SHISA9: variants seen among roughly 807,000 people sequenced by gnomAD.
SHISA9 encodes the protein shisa family member 9, also known as protein shisa-9.
In SHISA9, 13 loss-of-function variants were observed where a neutral mutation model predicts 38.0. That is an observed-to-expected ratio of 0.34 (90% CI 0.22 to 0.54). The LOEUF (loss-of-function observed/expected upper bound fraction) is 0.54. Ranked by LOEUF, SHISA9 falls within the 20% of genes least tolerant of loss-of-function variation. The probability of loss-of-function intolerance (pLI) is 0.91; values close to 1 mark genes in which losing one functional copy is unlikely to be tolerated. For synonymous variants in SHISA9, 275 were observed against 242.0 expected (o/e 1.14, Z -1.27); for missense variants, 538 against 575.8 (o/e 0.93, Z 0.67).
chr16:13,248,389 A>G, the SHISA9 span, among the ~76,000 whole-genome samples: 2 of 152,190 alleles, frequency 1.3e-5, no homozygotes, highest in African/African-American at 2.4e-5. Flanking sequence ...ATAAAAATTA[A>G]GAAGGTAGAA....
At chr16:13,316,979 G>A in the SHISA9 span, among the ~76,000 whole-genome samples, 6 of 152,168 alleles carry the variant, frequency 3.9e-5, no homozygotes, top group Admixed American at 1.3e-4. Flanking sequence ...TGGTATCTTC[G>A]TGTTCCTTCT....
At chr16:12,935,526 T>C (rs554239107) in intron 2 of SHISA9, among the ~76,000 whole-genome samples, 9 of 152,152 alleles carry the variant, frequency 5.9e-5, no homozygotes, top group South Asian at 2.1e-4. Context: ...CATGGGAAGC[T>C]CATTCATGGG....
At chr16:13,002,236 T>C (rs552937523) in intron 2 of SHISA9, among the ~76,000 whole-genome samples, 2 of 152,314 alleles carry the variant, frequency 1.3e-5, no homozygotes, top group South Asian at 4.2e-4. Context: ...TTTAATGTCA[T>C]ATGGTTACTA....
chr16:12,923,892 A>AG (rs1389368271), intron 2 of SHISA9, among the ~76,000 whole-genome samples: 1 of 152,100 alleles, frequency 6.6e-6, no homozygotes, highest in African/African-American at 2.4e-5. Flanking sequence ...TAATAAATAG[A>AG]GGATCCAGGA....
intron 1 of SHISA9, chr16:12,908,679 C>G: frequency 6.6e-7 from 1 of 1,525,810 alleles, no homozygotes; most frequent in East Asian, 2.5e-5. Flanking sequence ...CGATGCCCTG[C>G]AAACAACAGC....
At chr16:13,091,418 C>A (rs1011801886) in intron 2 of SHISA9, among the ~76,000 whole-genome samples, 3 of 152,292 alleles carry the variant, frequency 2.0e-5, no homozygotes, top group Admixed American at 1.3e-4. Context: ...GCATTCTCCC[C>A]ATCACTTTCA....
At chr16:13,058,338 A>T (rs1020413691) in intron 2 of SHISA9, among the ~76,000 whole-genome samples, 1 of 152,128 alleles carries the variant, frequency 6.6e-6, no homozygotes, top group Non-Finnish European at 1.5e-5. Context: ...TGAAATTGGG[A>T]CCCAGGGTAC....
intron 4 of SHISA9, among the ~76,000 whole-genome samples, chr16:13,216,035 A>G (rs2051164597): frequency 6.6e-6 from 1 of 152,044 alleles, no homozygotes; most frequent in South Asian, 2.1e-4. Context: ...AAAAATACCA[A>G]AATTAGCCAG....
the SHISA9 span, among the ~76,000 whole-genome samples, chr16:13,340,657 C>G: frequency 6.6e-6 from 1 of 152,194 alleles, no homozygotes; most frequent in Non-Finnish European, 1.5e-5. Context: ...CACTTTTTCC[C>G]TGCTTCAAAC....
At chr16:13,499,426 G>C in the SHISA9 span, among the ~76,000 whole-genome samples, 1 of 152,124 alleles carries the variant, frequency 6.6e-6, no homozygotes, top group African/African-American at 2.4e-5. Context: ...GATTAAATGA[G>C]AGAAAGCATG....
chr16:13,320,292 CAAAAAAAAA>C, the SHISA9 span, among the ~76,000 whole-genome samples: 5,360 of 38,980 alleles, frequency 0.14, 423 homozygotes, highest in African/African-American at 0.3. Context: ...GACTCTGTCT[CAAAAAAAAA>C]AAAAAAAAAA....
chr16:13,243,330 C>T (rs987081076), downstream of SHISA9, among the ~76,000 whole-genome samples: 10 of 152,006 alleles, frequency 6.6e-5, no homozygotes, highest in East Asian at 1.9e-4. Flanking sequence ...GACATGTGCC[C>T]AGGGTGGTTG....
rs930085522 is a variant in SHISA9, at chr16:13,237,826, C to T, written c.*2417C>T. The T allele has an allele frequency of 2.0e-5, 3 of 152,118 alleles. No individual in the cohort carries two copies. Among genetic ancestry groups the T allele is most frequent in the Admixed American group, 1.3e-4 (2 of 15,272 alleles). 9.4% of individuals were successfully genotyped at this position (152,118 alleles called of 1,614,324 possible). A position where few individuals can be genotyped will look rare whatever the true frequency, so the allele number is the denominator to read the frequency against. ...GCTTCCCAGAGTCAAGTAAATACCA[C>T]TGGGCATGGTCAGAGTTTCCTTGAC... On this transcript the variant is annotated 3_prime_UTR_variant, in exon 5 of 5. Coordinates refer to ENST00000558583, the MANE Select transcript of SHISA9 (RefSeq NM_001145204.3).
chr16:13,077,724 A>C (rs935435389), intron 2 of SHISA9, among the ~76,000 whole-genome samples: 3 of 152,178 alleles, frequency 2.0e-5, no homozygotes, highest in African/African-American at 7.2e-5. Context: ...TCAGACCCTC[A>C]TTCAGTTCCT....
At chr16:13,148,549 A>G (rs1055695015) in intron 2 of SHISA9, among the ~76,000 whole-genome samples, 1 of 152,160 alleles carries the variant, frequency 6.6e-6, no homozygotes, top group African/African-American at 2.4e-5. Flanking sequence ...ACCACAGTCC[A>G]CATTCACTCT....
At chr16:12,935,856 A>G (rs951277025) in intron 2 of SHISA9, among the ~76,000 whole-genome samples, 1 of 150,122 alleles carries the variant, frequency 6.7e-6, no homozygotes, top group African/African-American at 2.4e-5. Context: ...CTCAAAAAGA[A>G]AAAAAAAAAA....
chr16:13,220,004 T>C (rs551097281), intron 4 of SHISA9, among the ~76,000 whole-genome samples: 4 of 152,100 alleles, frequency 2.6e-5, no homozygotes, highest in Non-Finnish European at 4.4e-5. Flanking sequence ...CACCTGAAAA[T>C]TGGGGGCTCT....
the SHISA9 span, among the ~76,000 whole-genome samples, chr16:13,414,482 C>A: frequency 6.6e-6 from 1 of 152,084 alleles, no homozygotes; most frequent in Non-Finnish European, 1.5e-5. Context: ...GCTTTGAATT[C>A]CCTGGGGATA....
At chr16:13,279,016 C>A in the SHISA9 span, among the ~76,000 whole-genome samples, 2 of 151,912 alleles carry the variant, frequency 1.3e-5, no homozygotes. Flanking sequence ...TCACTTTGTG[C>A]ACTTTCAGTC....
Sources: allele counts gnomAD v4.1 joint callset (sites outside exome capture counted in the v4.1 genomes callset), GRCh38; gene constraint gnomAD v4.1.1; transcripts MANE v1.5; gene names NCBI Gene and HGNC (gene_info 2026-07-23, HGNC 2026-07-21).